Variants in CDKL2 observed in about 807,000 individuals in gnomAD.
CDKL2 encodes cyclin-dependent kinase-like 2.
CDKL2 carries 64 observed loss-of-function variants against 63.9 expected under a neutral mutation model. The ratio of observed to expected loss-of-function variants is 1.00; its 90% confidence interval spans 0.82 to 1.23. CDKL2 has a LOEUF of 1.23. Ranked by LOEUF, CDKL2 falls within the 50% of genes most tolerant of loss-of-function variation. CDKL2 has a pLI of 0.00. For missense variants in CDKL2, 656 were observed against 668.0 expected, an observed-to-expected ratio of 0.98 and a Z score of 0.20; for synonymous variants, 211 against 229.2, an observed-to-expected ratio of 0.92 and a Z score of 0.72.
rs1211143987 is a variant in CDKL2 at position 75,627,417 on chromosome 4, G to A, written c.-29-1400C>T. Among the ~76,000 whole-genome samples the A allele has an allele frequency of 2.6e-5, 4 of 151,966 alleles. No homozygotes were observed. In the East Asian group the frequency reaches 7.9e-4, roughly 30 times the overall value. ...CCTCTGAGTAGCTGGGATTATAGGCGTGAGCCACCACACCCGGGTAAGTTT... is the reference window on the plus strand; with the variant it reads ...CCTCTGAGTAGCTGGGATTATAGGCATGAGCCACCACACCCGGGTAAGTTT... On this transcript the variant is annotated intron_variant, in intron 1 of 13. Coordinates refer to ENST00000307465, the MANE Select transcript of CDKL2 (RefSeq NM_001330724.2).
intron 3 of CDKL2, 32 bp from the exon 4 acceptor site, chr4:75,607,393 A>C (rs1489610931): frequency 3.8e-6 from 6 of 1,561,192 alleles, no homozygotes; most frequent in Non-Finnish European, 5.3e-6. Flanking sequence ...ACGGATGTTA[A>C]ATAAAATTAA....
chr4:75,608,284 C>A (rs750696376), intron 3 of CDKL2, among the ~76,000 whole-genome samples: 4 of 151,724 alleles, frequency 2.6e-5, no homozygotes, highest in Non-Finnish European at 4.4e-5. Context: ...GCCACCATGC[C>A]CAACTAATTT....
intron 12 of CDKL2, among the ~76,000 whole-genome samples, chr4:75,588,502 T>C (rs1728572333): frequency 6.6e-6 from 1 of 152,102 alleles, no homozygotes; most frequent in African/African-American, 2.4e-5. Flanking sequence ...AAATATTAAA[T>C]TATACATGGA....
chr4:75,586,689 T>C (rs761012306), intron 12 of CDKL2, among the ~76,000 whole-genome samples: 51 of 152,164 alleles, frequency 3.4e-4, no homozygotes, highest in African/African-American at 1.2e-3. Context: ...TTTCTCACTC[T>C]CAAAGAAGAG....
intron 2 of CDKL2, among the ~76,000 whole-genome samples, chr4:75,622,099 T>A (rs1361249953): frequency 6.6e-6 from 1 of 152,146 alleles, no homozygotes; most frequent in East Asian, 1.9e-4. Flanking sequence ...TATTAAAATA[T>A]CTAGAACAAT....
intron 10 of CDKL2, among the ~76,000 whole-genome samples, chr4:75,592,752 C>T (rs1728769308): frequency 6.6e-6 from 1 of 152,076 alleles, no homozygotes; most frequent in African/African-American, 2.4e-5. Flanking sequence ...TATATATGTC[C>T]TTGTCTTGCT....
At chr4:75,597,971 A>G (rs1420724012) in intron 8 of CDKL2, 106 bp downstream of exon 8, 1 of 657,108 alleles carries the variant, frequency 1.5e-6, no homozygotes, top group Non-Finnish European at 2.5e-6. Flanking sequence ...CTAAAAGTTA[A>G]CAATTTGCTC....
chr4:75,625,801 C>T lies in CDKL2; in HGVS notation c.168+20G>A. The T allele has an allele frequency of 6.4e-7, 1 of 1,568,174 alleles. No individual in the cohort carries two copies. Among genetic ancestry groups the T allele is most frequent in the Non-Finnish European group, 8.7e-7 (1 of 1,153,848 alleles). ...AAACTTATACTCATATTTTTTGATTCAATATATGCATTTACTCACCTTTAG... is the reference window on the plus strand; with the variant it reads ...AAACTTATACTCATATTTTTTGATTTAATATATGCATTTACTCACCTTTAG... On this transcript the variant is annotated intron_variant, in intron 2 of 13. Transcript: ENST00000307465.
At chr4:75,591,236 C>A (rs980490290) in intron 12 of CDKL2, among the ~76,000 whole-genome samples, 60 of 152,152 alleles carry the variant, frequency 3.9e-4, no homozygotes, top group African/African-American at 7.5e-4. Flanking sequence ...ATAAAAAAAA[C>A]CCCAGTAGCT....
intron 7 of CDKL2, 38 bp from the exon 8 acceptor site, chr4:75,598,250 G>T: frequency 2.6e-6 from 3 of 1,141,952 alleles, no homozygotes; most frequent in South Asian, 1.8e-5. Flanking sequence ...TGTAAGACAT[G>T]GATAAACCTA....
chr4:75,585,507 C>G (rs1309016076), intron 12 of CDKL2, among the ~76,000 whole-genome samples: 1 of 152,052 alleles, frequency 6.6e-6, no homozygotes, highest in Non-Finnish European at 1.5e-5. Context: ...GGGGGAAGAT[C>G]GCTTGATCCT....
chr4:75,603,190 C>T (rs1729274730), intron 6 of CDKL2, among the ~76,000 whole-genome samples: 1 of 145,250 alleles, frequency 6.9e-6, no homozygotes, highest in Non-Finnish European at 1.5e-5. Context: ...TTAGTAGAGA[C>T]GGGGTTTCAC....
At chr4:75,589,556 G>A (rs1035808394) in intron 12 of CDKL2, among the ~76,000 whole-genome samples, 2 of 151,554 alleles carry the variant, frequency 1.3e-5, no homozygotes, top group Admixed American at 6.6e-5. Context: ...CGCCCGCCTC[G>A]GCCTCCCAAA....
chr4:75,591,108 T>C (rs953407879), intron 12 of CDKL2, among the ~76,000 whole-genome samples: 1 of 152,088 alleles, frequency 6.6e-6, no homozygotes, highest in East Asian at 1.9e-4. Context: ...ATTGTCTTGG[T>C]GAAAATATGT....
intron 6 of CDKL2, among the ~76,000 whole-genome samples, chr4:75,600,931 G>A (rs946999849): frequency 6.6e-6 from 1 of 152,202 alleles, no homozygotes; most frequent in African/African-American, 2.4e-5. Flanking sequence ...ACCTGATTCT[G>A]ATCGAGCTCT....
At chr4:75,584,416 T>G (rs1728383846) in intron 12 of CDKL2, among the ~76,000 whole-genome samples, 1 of 152,134 alleles carries the variant, frequency 6.6e-6, no homozygotes, top group Non-Finnish European at 1.5e-5. Flanking sequence ...ACAACCCAAG[T>G]GAACCTGGAA....
rs768992377 is a variant in CDKL2, at chr4:75,600,295, A to G, written c.870T>C (p.Asp290=). ...ELLHHDFFQM[D]GFAERFSQEL... The stretch of plus-strand genomic sequence containing the variant: ...AAGTACTATACCTCTCAGCAAATCC[A>G]TCCATTTGAAAGAAATCATGGTGTA... The change falls in exon 7 of 14, where the codon GAT becomes GAC. Residue 290 remains aspartate, a synonymous_variant. Transcript: ENST00000307465. 2.5e-6 allele frequency: 4 copies of G among 1,612,492 alleles called. No homozygotes were observed. The Admixed American group carries it at 6.7e-5, about 27-fold the overall frequency.
chr4:75,607,211 G>T lies in CDKL2; in HGVS notation c.514C>A (p.Leu172Ile), dbSNP rs201622412. ...VATRWYRAPE[L>I]LVGDVKYGKA... ...CCATACTTGACATCACCAACCAATAGTTCTGGAGCTCTGTACCATCGGGTT... is the reference window on the plus strand; with the variant it reads ...CCATACTTGACATCACCAACCAATATTTCTGGAGCTCTGTACCATCGGGTT... Residue 172 changes from leucine (L) to isoleucine (I), a missense_variant, in exon 4 of 14, where the codon CTA (leucine) becomes ATA (isoleucine). Transcript: ENST00000307465. The T allele has an allele frequency of 4.3e-6, 7 of 1,612,144 alleles. No homozygotes were observed. In the Admixed American group the frequency reaches 1.0e-4, roughly 23 times the overall value.
At chr4:75,614,566 T>C in intron 2 of CDKL2, 117 bp from the exon 3 acceptor site, 3 of 648,164 alleles carry the variant, frequency 4.6e-6, no homozygotes, top group East Asian at 2.8e-5. Flanking sequence ...AAGAAAAATA[T>C]ATAAATAAAA....
Sources: gnomAD v4.1 joint callset for allele counts (sites outside exome capture counted in the v4.1 genomes callset) on GRCh38, gnomAD v4.1.1 for gene constraint, MANE v1.5 for transcripts, NCBI Gene and HGNC (gene_info 2026-07-23, HGNC 2026-07-21) for gene names.